The following DENND5A variants were observed in gnomAD, a reference collection of about 807,000 sequenced individuals.
DENND5A encodes DENN domain containing 5A, also known as DENN domain-containing protein 5A.
Under a neutral mutation model 140.3 loss-of-function variants are expected in DENND5A, and 64 were observed. The observed-to-expected ratio is 0.46, with a 90% CI of 0.37 to 0.56. The LOEUF (loss-of-function observed/expected upper bound fraction) is 0.56, where lower values mean the gene tolerates loss of function less well. Among genes scored for constraint, DENND5A ranks in the 20% least tolerant of loss-of-function variants. The pLI is 0.00. For synonymous variants in DENND5A, 605 were observed against 607.7 expected (o/e 1.00, Z 0.07); for missense variants, 1,292 against 1,593.8 (o/e 0.81, Z 3.22).
intron 1 of DENND5A, among the ~76,000 whole-genome samples, chr11:9,226,086 C>T (rs1044519856): frequency 2.0e-5 from 3 of 152,124 alleles, no homozygotes; most frequent in African/African-American, 4.8e-5. Context: ...TCTCAAAAAT[C>T]ATCATCATCA....
chr11:9,182,967 C>T (rs1294786279), intron 5 of DENND5A, among the ~76,000 whole-genome samples: 2 of 152,022 alleles, frequency 1.3e-5, no homozygotes, highest in Non-Finnish European at 2.9e-5. Flanking sequence ...TGCTAATTAC[C>T]ATTTGATCAT....
chr11:9,161,183 T>A (rs1418597713), intron 11 of DENND5A, among the ~76,000 whole-genome samples: 1 of 152,044 alleles, frequency 6.6e-6, no homozygotes, highest in African/African-American at 2.4e-5. Flanking sequence ...CCGTCTCTAT[T>A]AAAAATACAA....
chr11:9,261,123 T>A (rs1852178222), intron 1 of DENND5A, among the ~76,000 whole-genome samples: 1 of 152,126 alleles, frequency 6.6e-6, no homozygotes, highest in African/African-American at 2.4e-5. Context: ...AGTACTGGGA[T>A]TACAGGTGTG....
chr11:9,146,653 G>A (rs1162956085), intron 16 of DENND5A: 1 of 164,478 alleles, frequency 6.1e-6, no homozygotes, highest in African/African-American at 2.4e-5. Flanking sequence ...AACATTCTGT[G>A]ATGCCAAGTG....
chr11:9,149,482 C>T (rs1221972744), intron 15 of DENND5A, among the ~76,000 whole-genome samples: 2 of 152,154 alleles, frequency 1.3e-5, no homozygotes, highest in Non-Finnish European at 2.9e-5. Context: ...AGGGGATGAA[C>T]AAATATTCTA....
chr11:9,213,536 G>A (rs1216264567), intron 1 of DENND5A, among the ~76,000 whole-genome samples: 2 of 151,486 alleles, frequency 1.3e-5, no homozygotes, highest in African/African-American at 2.4e-5. Flanking sequence ...GGCAGGGTAC[G>A]GTGGCTCACA....
intron 1 of DENND5A, among the ~76,000 whole-genome samples, chr11:9,235,249 G>A (rs1850951886): frequency 6.6e-6 from 1 of 152,070 alleles, no homozygotes; most frequent in African/African-American, 2.4e-5. Context: ...ACAGATGAAG[G>A]AACAAAATAT....
intron 1 of DENND5A, among the ~76,000 whole-genome samples, chr11:9,219,573 A>C (rs1444358156): frequency 6.6e-6 from 1 of 152,260 alleles, no homozygotes; most frequent in African/African-American, 2.4e-5. Flanking sequence ...TAACAAAAAA[A>C]AACGACTTAC....
chr11:9,144,037 A>C, intron 19 of DENND5A, 60 bp downstream of exon 19: 1 of 1,544,138 alleles, frequency 6.5e-7, no homozygotes, highest in Non-Finnish European at 8.7e-7. Flanking sequence ...CAGGGCTCAC[A>C]GAGATCCACC....
At chr11:9,235,541 C>T (rs1231764977) in intron 1 of DENND5A, among the ~76,000 whole-genome samples, 1 of 146,790 alleles carries the variant, frequency 6.8e-6, no homozygotes, top group African/African-American at 2.4e-5. Context: ...ACCTGTAATC[C>T]CAGCTACTCA....
chr11:9,220,313 C>T (rs982214329), intron 1 of DENND5A, among the ~76,000 whole-genome samples: 3 of 151,722 alleles, frequency 2.0e-5, no homozygotes, highest in Non-Finnish European at 2.9e-5. Context: ...TTTGGGAGGC[C>T]GACGCGGGCA....
intron 1 of DENND5A, among the ~76,000 whole-genome samples, chr11:9,235,146 T>A (rs1238914987): frequency 6.6e-6 from 1 of 152,112 alleles, no homozygotes; most frequent in Non-Finnish European, 1.5e-5. Flanking sequence ...GATATATACA[T>A]AAACAGGTGT....
At chr11:9,169,525 ACAC>A (rs1337078199) in intron 10 of DENND5A, among the ~76,000 whole-genome samples, 12 of 151,658 alleles carry the variant, frequency 7.9e-5, no homozygotes, top group Admixed American at 2.6e-4. Context: ...ACACACACAC[ACAC>A]AAAACTCACA....
intron 10 of DENND5A, among the ~76,000 whole-genome samples, chr11:9,169,503 A>G (rs1054894537): frequency 2.0e-5 from 3 of 148,326 alleles, no homozygotes; most frequent in African/African-American, 7.8e-5. Context: ...ACGCACACAC[A>G]CACACACACA....
intron 12 of DENND5A, among the ~76,000 whole-genome samples, chr11:9,158,282 T>TGCCTGTGATCCCAGCAGTTTGGGG (rs1256645574): frequency 6.6e-6 from 1 of 152,096 alleles, no homozygotes; most frequent in Non-Finnish European, 1.5e-5. Flanking sequence ...CAGTGGCTTT[T>TGCCTGTGATCCCAGCAGTTTGGGG]GCCTGTGATC....
chr11:9,206,956 G>A (rs1483358859), intron 2 of DENND5A, among the ~76,000 whole-genome samples, 174 bp from the exon 3 acceptor site: 2 of 152,160 alleles, frequency 1.3e-5, no homozygotes, highest in Non-Finnish European at 2.9e-5. Flanking sequence ...GGTCAGTAAA[G>A]AAGCTGAAAA....
intron 15 of DENND5A, among the ~76,000 whole-genome samples, chr11:9,149,137 G>A (rs1308646016): frequency 6.6e-6 from 1 of 152,154 alleles, no homozygotes; most frequent in Admixed American, 6.5e-5. Flanking sequence ...TCTTCCTTTG[G>A]AATTTAGAAT....
chr11:9,237,569 A>AT (rs1373527486), intron 1 of DENND5A, among the ~76,000 whole-genome samples: 1 of 152,122 alleles, frequency 6.6e-6, no homozygotes, highest in African/African-American at 2.4e-5. Flanking sequence ...TAATTTAGCA[A>AT]TATCTATTAA....
intron 1 of DENND5A, among the ~76,000 whole-genome samples, chr11:9,211,260 G>T (rs1393621715): frequency 6.6e-6 from 1 of 152,048 alleles, no homozygotes; most frequent in Non-Finnish European, 1.5e-5. Context: ...CCACAGAAGG[G>T]AAGACCCAAA....
Sources: gnomAD v4.1 joint callset for allele counts (sites outside exome capture counted in the v4.1 genomes callset) on GRCh38, gnomAD v4.1.1 for gene constraint, MANE v1.5 for transcripts, NCBI Gene and HGNC (gene_info 2026-07-23, HGNC 2026-07-21) for gene names.